RIC1: variants seen among roughly 807,000 people sequenced by gnomAD.
RIC1 encodes guanine nucleotide exchange factor subunit RIC1.
A neutral mutation model predicts 169.0 loss-of-function variants in RIC1; 88 were observed. The observed-to-expected ratio is 0.52, with a 90% CI of 0.44 to 0.62. The LOEUF (loss-of-function observed/expected upper bound fraction) is 0.62, where lower values mean the gene tolerates loss of function less well. Ranked by LOEUF, RIC1 falls within the 20% of genes least tolerant of loss-of-function variation. RIC1 has a pLI of 0.00. For synonymous variants in RIC1, 790 were observed against 601.5 expected, an observed-to-expected ratio of 1.31 and a Z score of -4.59; for missense variants, 1,877 against 1,725.5, an observed-to-expected ratio of 1.09 and a Z score of -1.56.
At chr9:5,684,175 C>A (rs919714284) in intron 2 of RIC1, among the ~76,000 whole-genome samples, 15 of 148,968 alleles carry the variant, frequency 1.0e-4, no homozygotes, top group Non-Finnish European at 2.1e-4. Flanking sequence ...TGAGATGAAC[C>A]CGGCATCTCA....
intron 6 of RIC1, among the ~76,000 whole-genome samples, chr9:5,723,933 C>T (rs990534356): frequency 1.3e-5 from 2 of 152,134 alleles, no homozygotes; most frequent in Non-Finnish European, 2.9e-5. Flanking sequence ...TGTTTTGGTA[C>T]CAGTACCATG....
chr9:5,704,094 C>T (rs143340159), intron 3 of RIC1, among the ~76,000 whole-genome samples: 31 of 151,818 alleles, frequency 2.0e-4, no homozygotes, highest in Non-Finnish European at 2.6e-4. Context: ...AATAGTATCT[C>T]ATTATGGTTT....
intron 4 of RIC1, chr9:5,719,380 A>G (rs1438958262): frequency 1.3e-5 from 2 of 152,240 alleles, no homozygotes; most frequent in African/African-American, 4.8e-5. Context: ...ATATCTTCAT[A>G]AATATTGATA....
At position 5,630,222 on chromosome 9, in the gene RIC1, T is replaced by C. The variant is rs112554780; in HGVS notation, c.144+769T>C. Among the ~76,000 whole-genome samples, 103 of 152,348 alleles carry C rather than the reference T, an allele frequency of 6.8e-4. 1 individual carries two copies. The highest frequency in any genetic ancestry group is 2.4e-3 in the African/African-American group (100 of 41,584). On this transcript the variant is annotated intron_variant, in intron 1 of 25. Coordinates refer to ENST00000414202, the MANE Select transcript of RIC1 (RefSeq NM_020829.4). ...CTTTTTCTTTCTTGTATTGAATTAC[T>C]GAGTAGATATGAGAAAGAAATAAGT...
chr9:5,708,830 C>G (rs974105729), intron 3 of RIC1, among the ~76,000 whole-genome samples: 2 of 152,078 alleles, frequency 1.3e-5, no homozygotes, highest in Non-Finnish European at 2.9e-5. Context: ...TCTCTTTTCT[C>G]TCTCCTTGCC....
In RIC1 at chr9:5,743,841, T is replaced by TA. The variant is rs1825221195; in HGVS notation, c.1095+105dup. On this transcript the variant is annotated intron_variant, in intron 10 of 25. Coordinates refer to ENST00000414202, the MANE Select transcript of RIC1 (RefSeq NM_020829.4). ...TATTTAATTTTTTGAGACAGGGTCT[T>TA]ACACTGTCACCCAGGTTGGAGAGCA... 1.2e-5 allele frequency: 10 copies of TA among 829,278 alleles called. No homozygotes were observed. The South Asian group carries it at 1.6e-4, about 13-fold the overall frequency. 51.4% of individuals were successfully genotyped at this position (829,278 alleles called of 1,614,324 possible).
At chr9:5,759,161 T>G (rs541181079) in intron 17 of RIC1, among the ~76,000 whole-genome samples, 1 of 152,346 alleles carries the variant, frequency 6.6e-6, no homozygotes, top group South Asian at 2.1e-4. Context: ...ATATACTGTT[T>G]TACAGAAGTT....
At chr9:5,739,394 CTG>C (rs1237065843) in intron 8 of RIC1, among the ~76,000 whole-genome samples, 1 of 152,208 alleles carries the variant, frequency 6.6e-6, no homozygotes, top group African/African-American at 2.4e-5. Flanking sequence ...TGATCCAACT[CTG>C]TGTACCTTCC....
chr9:5,701,194 GTTTT>G (rs1016272542), intron 3 of RIC1, among the ~76,000 whole-genome samples: 2 of 151,920 alleles, frequency 1.3e-5, no homozygotes, highest in African/African-American at 4.8e-5. Context: ...AGCTCTGAAT[GTTTT>G]TTTTCTTTCA....
intron 2 of RIC1, among the ~76,000 whole-genome samples, chr9:5,658,538 G>C (rs935474824): frequency 1.3e-5 from 2 of 152,028 alleles, no homozygotes. Context: ...ATGACCTGCA[G>C]AACAATTCCA....
downstream of RIC1, among the ~76,000 whole-genome samples, chr9:5,778,595 C>A (rs923257467): frequency 6.6e-6 from 1 of 152,222 alleles, no homozygotes; most frequent in Non-Finnish European, 1.5e-5. Context: ...CAAATCCCTT[C>A]CATGATAAAA....
chr9:5,763,634 G>A lies in RIC1; in HGVS notation c.2607G>A (p.Leu869=). ...TGGAGCTCATGCTCCATGAAGTACT[G>A]GAAGAAGAAGCTACCTCACGGGAGC... ...HVLELMLHEV[L]EEEATSREPI... is the part of the protein sequence containing the mutation. The change falls in exon 19 of 26, where the codon CTG becomes CTA. Residue 869 remains leucine (L), a synonymous_variant. Transcript: ENST00000414202. This position sits in a 1 kb window ranked among gnomAD's most constrained non-coding sequence, Gnocchi z 5.2. The A allele has an allele frequency of 6.2e-7, 1 of 1,614,130 alleles. No homozygotes were observed. Among genetic ancestry groups the A allele is most frequent in the East Asian group, 2.2e-5 (1 of 44,876 alleles).
intron 1 of RIC1, among the ~76,000 whole-genome samples, chr9:5,635,436 G>C (rs551349700): frequency 2.6e-5 from 4 of 152,306 alleles, no homozygotes; most frequent in African/African-American, 7.2e-5. Context: ...TGAAAAGTCA[G>C]TGTTGCAAGA....
chr9:5,718,739 T>G (rs1053069509), intron 4 of RIC1, among the ~76,000 whole-genome samples: 6 of 152,234 alleles, frequency 3.9e-5, no homozygotes, highest in Non-Finnish European at 7.3e-5. Flanking sequence ...TAATATATAA[T>G]GCTTTAAAAA....
Position 5,774,100 on chromosome 9 carries a change from G to A in RIC1, c.4126G>A (p.Glu1376Lys), listed in dbSNP as rs1378663133. The A allele has an allele frequency of 1.9e-6, 3 of 1,614,014 alleles. No homozygotes were observed. The highest frequency in any genetic ancestry group is 2.2e-5 in the South Asian group (2 of 91,080). ...AGAACAGACTAGCCCCCGGGCAGAG[G>A]AGAGCAGGGGCTCCTCCAGCCATGG... ...TPEQTSPRAE[E>K]SRGSSSHGSI... The change falls in exon 26 of 26, where the codon GAG (glutamate) becomes AAG (lysine). Residue 1376 changes from glutamate to lysine, a missense_variant. Glu to Lys is a moderately conservative substitution (Grantham distance 56). Transcript: ENST00000414202.
intron 22 of RIC1, 80 bp from the exon 23 acceptor site, chr9:5,770,007 T>C (rs915070988): frequency 2.0e-5 from 26 of 1,305,906 alleles, no homozygotes; most frequent in Non-Finnish European, 2.4e-5. Context: ...TAGGGGAAGC[T>C]AAAAGAGCTG....
At chr9:5,731,606 T>C (rs1437888208) in intron 6 of RIC1, among the ~76,000 whole-genome samples, 1 of 152,200 alleles carries the variant, frequency 6.6e-6, no homozygotes, top group Non-Finnish European at 1.5e-5. Flanking sequence ...CTAAAATGTC[T>C]GTGATTTGAC....
At chr9:5,757,123 A>G (rs1033763517) in intron 16 of RIC1, among the ~76,000 whole-genome samples, 190 bp from the exon 17 acceptor site, 3 of 151,816 alleles carry the variant, frequency 2.0e-5, no homozygotes, top group Non-Finnish European at 4.4e-5. Flanking sequence ...TTTCTCTCTC[A>G]TCCCCATATA....
At chr9:5,733,506 G>A (rs1418499603) in intron 7 of RIC1, among the ~76,000 whole-genome samples, 1 of 151,948 alleles carries the variant, frequency 6.6e-6, no homozygotes, top group Non-Finnish European at 1.5e-5. Flanking sequence ...CTGACCTTGT[G>A]ATCCGCCTTG....
Sources: gnomAD v4.1 joint callset for allele counts (sites outside exome capture counted in the v4.1 genomes callset) on GRCh38, gnomAD v4.1.1 for gene constraint, Gnocchi (gnomAD v3.1) non-coding constraint, MANE v1.5 for transcripts, NCBI Gene and HGNC (gene_info 2026-07-23, HGNC 2026-07-21) for gene names.